The following GID4 variants were observed in gnomAD, a reference collection of about 807,000 sequenced individuals.
GID4 encodes the protein glucose-induced degradation protein 4 homolog.
GID4 carries 7 observed loss-of-function variants against 32.4 expected under a neutral mutation model. The observed-to-expected ratio is 0.22, with a 90% CI of 0.12 to 0.41. The LOEUF is 0.41. Among genes scored for constraint, GID4 ranks in the 10% least tolerant of loss-of-function variants. The probability of loss-of-function intolerance (pLI) is 1.00; values close to 1 mark genes in which losing one functional copy is unlikely to be tolerated. For missense variants in GID4, 309 were observed against 400.0 expected, an observed-to-expected ratio of 0.77 and a Z score of 1.94; for synonymous variants, 166 against 170.0, an observed-to-expected ratio of 0.98 and a Z score of 0.18.
chr17:18,064,966 AC>A (rs1198928460), intron 5 of GID4, among the ~76,000 whole-genome samples: 4 of 152,214 alleles, frequency 2.6e-5, no homozygotes, highest in African/African-American at 7.2e-5. Flanking sequence ...ATGAAAAAAA[AC>A]ATTCATCTAG....
chr17:18,039,473 G>A lies in GID4; in HGVS notation c.9G>A (p.Ala3=). The A allele has an allele frequency of 7.5e-7, 1 of 1,339,046 alleles. No homozygotes were observed. The highest frequency in any genetic ancestry group is 9.5e-7 in the Non-Finnish European group (1 of 1,049,644). The allele number at this position is 1,339,046 out of a possible 1,614,324, so 82.9% of individuals were successfully genotyped here. A position where few individuals can be genotyped will look rare whatever the true frequency, so the allele number is the denominator to read the frequency against. The change falls in exon 1 of 6, where the codon GCG becomes GCA. Residue 3 remains alanine, a synonymous_variant. Transcript: ENST00000268719. This position sits in a 1 kb window ranked among gnomAD's most constrained non-coding sequence, Gnocchi z 5.3. MC[A]RGQVGRGTQL... ...AGTGTCTGTGTGTGTGTATGTGTGC[G>A]CGAGGGCAAGTCGGGAGGGGGACCC...
Position 18,054,232 on chromosome 17 carries a change from TG to T in GID4, c.606+1del. On this transcript the variant is annotated frameshift_variant and splice_region_variant, in exon 3 of 6. Transcript: ENST00000268719. LOFTEE classifies it high-confidence loss of function. The part of the protein sequence containing the change: ...DADEDVDRKH[W>X]GKFLAFYQYA... ...AGATGAAGATGTTGATCGGAAACACTGGGTGAGTAAATCTGATCTGTGCTGG... is the reference window on the plus strand; with the variant it reads ...AGATGAAGATGTTGATCGGAAACACTGGTGAGTAAATCTGATCTGTGCTGG... 1 of 1,586,440 alleles carries T rather than the reference TG, an allele frequency of 6.3e-7. No homozygotes were observed. The highest frequency in any genetic ancestry group is 8.7e-7 in the Non-Finnish European group (1 of 1,155,140).
At chr17:18,058,780 G>A (rs2044992541) in intron 3 of GID4, 88 bp from the exon 4 acceptor site, 1 of 817,940 alleles carries the variant, frequency 1.2e-6, no homozygotes, top group Middle Eastern at 2.3e-4. Context: ...GCCTTGGGAA[G>A]GTGAGTTTAC....
At chr17:18,060,856 C>T (rs2045012453) in intron 4 of GID4, among the ~76,000 whole-genome samples, 1 of 152,168 alleles carries the variant, frequency 6.6e-6, no homozygotes, top group South Asian at 2.1e-4. Flanking sequence ...GCCTCAGCCT[C>T]CCAAGTAGCT....
At position 18,067,868 on chromosome 17, in the gene GID4, T is replaced by C. The variant is rs1359530739; in HGVS notation, c.*2625T>C. On this transcript the variant is annotated 3_prime_UTR_variant, in exon 6 of 6. Transcript: ENST00000268719. ...ACTGCTCAGAAAGCTTCCATTCTGC[T>C]GTCCTCAGCCTCGACCCTCTTCTGT... The C allele has an allele frequency of 6.5e-6, 1 of 152,678 alleles. No individual in the cohort carries two copies. Among genetic ancestry groups the C allele is most frequent in the Admixed American group, 6.5e-5 (1 of 15,276 alleles). 9.5% of individuals were successfully genotyped at this position (152,678 alleles called of 1,614,324 possible).
At chr17:18,060,084 CAAAA>C (rs35399188) in intron 4 of GID4, among the ~76,000 whole-genome samples, 6 of 60,472 alleles carry the variant, frequency 9.9e-5, no homozygotes, top group East Asian at 5.9e-4. Flanking sequence ...GACTCCATCT[CAAAA>C]AAAAAAAAAA....
rs1158478741 is a variant in GID4, at chr17:18,066,355, TC to T, written c.*1113del. ...GCAGCCTTCCATGAGGCAGAAGGGG[TC>T]GTCGTTCTCTGAAAACAGTGACTCT... On this transcript the variant is annotated 3_prime_UTR_variant, in exon 6 of 6. Transcript: ENST00000268719. 6.6e-6 allele frequency: 1 copy of T among 151,908 alleles called. No homozygotes were observed. Among genetic ancestry groups the T allele is most frequent in the East Asian group, 1.9e-4 (1 of 5,166 alleles). The allele number at this position is 151,908 out of a possible 1,614,324, so 9.4% of individuals were successfully genotyped here.
intron 2 of GID4, among the ~76,000 whole-genome samples, chr17:18,052,990 A>G (rs2145562393): frequency 6.7e-6 from 1 of 149,510 alleles, no homozygotes; most frequent in South Asian, 2.1e-4. Context: ...AACATGTAGA[A>G]CACTGAAAAA....
chr17:18,058,121 C>T (rs980982135), intron 3 of GID4, among the ~76,000 whole-genome samples: 10 of 152,350 alleles, frequency 6.6e-5, no homozygotes, highest in Admixed American at 3.9e-4. Flanking sequence ...GCGTGAGCCC[C>T]CACACCCAGT....
At chr17:18,064,011 G>T (rs2142156007) in intron 5 of GID4, among the ~76,000 whole-genome samples, 1 of 152,298 alleles carries the variant, frequency 6.6e-6, no homozygotes, top group Non-Finnish European at 1.5e-5. Context: ...CCAAAGTGCT[G>T]GGATTATAGG....
At chr17:18,052,111 T>C (rs921794306) in intron 2 of GID4, among the ~76,000 whole-genome samples, 1 of 151,822 alleles carries the variant, frequency 6.6e-6, no homozygotes, top group Non-Finnish European at 1.5e-5. Flanking sequence ...GCTTATACCT[T>C]AAAAATTAGG....
chr17:18,056,551 G>A (rs1240377652), intron 3 of GID4, among the ~76,000 whole-genome samples: 1 of 152,198 alleles, frequency 6.6e-6, no homozygotes, highest in Non-Finnish European at 1.5e-5. Context: ...GTAAACCACA[G>A]CCTCTCTCCC....
intron 5 of GID4, among the ~76,000 whole-genome samples, chr17:18,064,874 G>GTT (rs1485791674): frequency 1.3e-5 from 2 of 152,112 alleles, no homozygotes; most frequent in Admixed American, 6.5e-5. Context: ...GGGCTTGGGC[G>GTT]TGGGTCTCCA....
intron 3 of GID4, 42 bp from the exon 4 acceptor site, chr17:18,058,826 C>G: frequency 8.2e-7 from 1 of 1,225,478 alleles, no homozygotes; most frequent in Non-Finnish European, 1.2e-6. Context: ...AGCAGCCTCT[C>G]CTTCTCTCAG....
chr17:18,042,279 C>G (rs2044810483), intron 1 of GID4, among the ~76,000 whole-genome samples: 3 of 152,174 alleles, frequency 2.0e-5, no homozygotes, highest in Non-Finnish European at 4.4e-5. Flanking sequence ...ATATTTTCAT[C>G]ACCCCAAAAG....
intron 3 of GID4, among the ~76,000 whole-genome samples, chr17:18,055,031 CGTG>C (rs1567587459): frequency 6.6e-6 from 1 of 151,996 alleles, no homozygotes; most frequent in African/African-American, 2.4e-5. Context: ...ATTAGCTGGG[CGTG>C]GTGGTGGGCA....
intron 2 of GID4, among the ~76,000 whole-genome samples, chr17:18,050,454 C>A (rs1166704525): frequency 6.6e-6 from 1 of 152,220 alleles, no homozygotes; most frequent in Admixed American, 6.5e-5. Context: ...CAGCAGCTTT[C>A]AGGGGTTACC....
At position 18,066,296 on chromosome 17, in the gene GID4, C is replaced by CT. The variant is rs1233489920; in HGVS notation, c.*1054dup. The CT allele has an allele frequency of 6.6e-6, 1 of 152,584 alleles. No homozygotes were observed. Among genetic ancestry groups the CT allele is most frequent in the African/African-American group, 2.4e-5 (1 of 41,442 alleles). 9.5% of individuals were successfully genotyped at this position (152,584 alleles called of 1,614,324 possible). On this transcript the variant is annotated 3_prime_UTR_variant, in exon 6 of 6. Coordinates refer to ENST00000268719, the MANE Select transcript of GID4 (RefSeq NM_024052.5). ...GGGGCCAGTTTAGCATTTGTGCCGC[C>CT]TCCTTTTGCTACTCAAAACAGCAAT...
chr17:18,048,532 G>A (rs571377338), intron 2 of GID4, among the ~76,000 whole-genome samples: 11 of 152,280 alleles, frequency 7.2e-5, no homozygotes, highest in Admixed American at 4.6e-4. Flanking sequence ...TATGGTTGCC[G>A]TAGATAATAG....
Sources: gnomAD v4.1 joint callset for allele counts (sites outside exome capture counted in the v4.1 genomes callset) on GRCh38, gnomAD v4.1.1 for gene constraint, Gnocchi (gnomAD v3.1) non-coding constraint, MANE v1.5 for transcripts, NCBI Gene and HGNC (gene_info 2026-07-23, HGNC 2026-07-21) for gene names.